The following EP300 variants were observed in gnomAD, a reference collection of about 807,000 sequenced individuals.
EP300 encodes histone acetyltransferase p300.
Under a neutral mutation model 264.0 loss-of-function variants are expected in EP300, and 31 were observed. The ratio of observed to expected loss-of-function variants is 0.12; its 90% confidence interval spans 0.09 to 0.16. The LOEUF (loss-of-function observed/expected upper bound fraction) is 0.16, where lower values mean the gene tolerates loss of function less well. Among genes scored for constraint, EP300 ranks in the 10% least tolerant of loss-of-function variants. The pLI is 1.00. For synonymous variants in EP300, 1,340 were observed against 1,045.4 expected (o/e 1.28, Z -5.44); for missense variants, 2,766 against 3,052.9 (o/e 0.91, Z 2.21).
At chr22:41,140,079 T>C in intron 8 of EP300, 61 bp from the exon 9 acceptor site, 1 of 1,225,602 alleles carries the variant, frequency 8.2e-7, no homozygotes, top group Non-Finnish European at 1.2e-6. Context: ...TGTATAAAAA[T>C]CAGAAAAATA....
intron 1 of EP300, among the ~76,000 whole-genome samples, chr22:41,100,910 A>G (rs79198913): frequency 2.2e-3 from 341 of 152,168 alleles, no homozygotes; most frequent in Non-Finnish European, 3.9e-3. Context: ...TTATCATGTC[A>G]CGTATACAAG....
intron 6 of EP300, among the ~76,000 whole-genome samples, chr22:41,134,521 A>G (rs2145719285): frequency 6.6e-6 from 1 of 151,998 alleles, no homozygotes; most frequent in Non-Finnish European, 1.5e-5. Context: ...CAGCCTCCCA[A>G]GTAGCTGGGA....
rs2058681575 is a variant in EP300, at chr22:41,092,955, T to G, written c.-50T>G. On this transcript the variant is annotated 5_prime_UTR_variant, in exon 1 of 31. Transcript: ENST00000263253. ...CGGGGACCCCGGGCCGAAGAAGAGA[T>G]TTCCTGAGGATTCTGGTTTTCCTCG... is the stretch of plus-strand genomic sequence containing the variant. 2 of 1,607,634 alleles carry G rather than the reference T, an allele frequency of 1.2e-6. No homozygotes were observed. Among genetic ancestry groups the G allele is most frequent in the Non-Finnish European group, 1.7e-6 (2 of 1,174,390 alleles).
At position 41,179,877 on chromosome 22, in the gene EP300, CA is replaced by C. The variant is rs771445899; in HGVS notation, c.*922del. On this transcript the variant is annotated 3_prime_UTR_variant, in exon 31 of 31. Transcript: ENST00000263253. Reference sequence around the variant, plus strand: ...CTTTCTTCCTCCTTACCCTACCCCCCACTCACACACACACACACACACACAC... The same window carrying C: ...CTTTCTTCCTCCTTACCCTACCCCCCCTCACACACACACACACACACACAC... 26,736 of 141,436 alleles carry C rather than the reference CA, an allele frequency of 0.19. 4,820 individuals are homozygous for C. Among genetic ancestry groups the C allele is most frequent in the East Asian group, 0.37 (3,640 of 9,934 alleles). The allele number at this position is 141,436 out of a possible 1,614,324, so 8.8% of individuals were successfully genotyped here.
At position 41,179,028 on chromosome 22, in the gene EP300, T is replaced by G. The variant is rs887959738; in HGVS notation, c.*72T>G. ...CAAGACTTTTTGTACTGAAAACAATTTTTTTGAATCTTTCGTAGCCTAAAA... is the reference window on the plus strand; with the variant it reads ...CAAGACTTTTTGTACTGAAAACAATGTTTTTGAATCTTTCGTAGCCTAAAA... On this transcript the variant is annotated 3_prime_UTR_variant, in exon 31 of 31. Coordinates refer to ENST00000263253, the MANE Select transcript of EP300 (RefSeq NM_001429.4). The G allele has an allele frequency of 6.7e-5, 106 of 1,575,988 alleles. No individual in the cohort carries two copies. The highest frequency in any genetic ancestry group is 8.4e-5 in the Non-Finnish European group (97 of 1,157,144).
chr22:41,129,766 G>A (rs2058906070), intron 4 of EP300, 124 bp from the exon 5 acceptor site: 1 of 736,104 alleles, frequency 1.4e-6, no homozygotes, highest in Non-Finnish European at 2.3e-6. Flanking sequence ...CTACCTTATA[G>A]GGCTGTTAGG....
chr22:41,109,855 C>T (rs991156047), intron 1 of EP300, among the ~76,000 whole-genome samples: 1 of 151,682 alleles, frequency 6.6e-6, no homozygotes, highest in Admixed American at 6.6e-5. Flanking sequence ...GCTCTGTTTC[C>T]CAGGCTGGAG....
rs1462366919 is a variant in EP300 at position 41,126,112 on chromosome 22, C to A, written c.906+72C>A. On this transcript the variant is annotated intron_variant, in intron 3 of 30. Transcript: ENST00000263253. ...CAAAAGAATTGTGTTAAACTTTCAC[C>A]CTTCTGTTATATATGCTGGGATTTG... 2.0e-6 allele frequency: 3 copies of A among 1,503,852 alleles called. No homozygotes were observed. In the East Asian group the frequency reaches 6.8e-5, roughly 34 times the overall value. 93.2% of individuals were successfully genotyped at this position (1,503,852 alleles called of 1,614,324 possible).
intron 10 of EP300, among the ~76,000 whole-genome samples, chr22:41,142,817 C>T (rs1046562325): frequency 1.3e-5 from 2 of 151,834 alleles, no homozygotes; most frequent in South Asian, 2.1e-4. Flanking sequence ...ACCCGGGAGG[C>T]GGAGCTTGCA....
At chr22:41,121,140 C>CTTTTCTT (rs965053188) in intron 2 of EP300, among the ~76,000 whole-genome samples, 4 of 152,268 alleles carry the variant, frequency 2.6e-5, no homozygotes, top group African/African-American at 4.8e-5. Flanking sequence ...CCCATCTCTA[C>CTTTTCTT]TTTTCTTTTT....
Position 41,127,545 on chromosome 22 carries a change from G to C in EP300, c.965G>C (p.Gly322Ala), listed in dbSNP as rs759614013. 47 of 1,614,086 alleles carry C rather than the reference G, an allele frequency of 2.9e-5. No homozygotes were observed. In the East Asian group the frequency reaches 1.0e-3, roughly 36 times the overall value. Residue 322 changes from glycine (G) to alanine (A), a missense_variant, in exon 4 of 31, where the codon GGG (glycine) becomes GCG (alanine). Transcript: ENST00000263253. ...GGCCTGGTGACTCCAGTTGCCCAAG[G>C]GATGGGTTCTGGAGCACATACAGCT... ...QPGLVTPVAQ[G>A]MGSGAHTADP...
chr22:41,128,848 A>G (rs972654360), intron 4 of EP300, among the ~76,000 whole-genome samples: 3 of 152,060 alleles, frequency 2.0e-5, no homozygotes, highest in Non-Finnish European at 2.9e-5. Context: ...ACCCCAAAGC[A>G]TTTAGAAAAT....
At chr22:41,173,229 G>A (rs2059180882) in intron 28 of EP300, among the ~76,000 whole-genome samples, 1 of 152,140 alleles carries the variant, frequency 6.6e-6, no homozygotes, top group Non-Finnish European at 1.5e-5. Flanking sequence ...GTATTTGTAG[G>A]CTCATAACAT....
chr22:41,175,379 A>G (rs1454214560), intron 29 of EP300, among the ~76,000 whole-genome samples: 1 of 152,210 alleles, frequency 6.6e-6, no homozygotes, highest in Non-Finnish European at 1.5e-5. Context: ...ACATTTTATT[A>G]CTTTAATAGG....
intron 4 of EP300, among the ~76,000 whole-genome samples, chr22:41,127,966 T>A (rs951382518): frequency 1.3e-5 from 2 of 152,154 alleles, no homozygotes; most frequent in Admixed American, 1.3e-4. Context: ...ATGGGGAGGA[T>A]TGCTTGAGGC....
At chr22:41,107,015 T>G (rs1183942490) in intron 1 of EP300, among the ~76,000 whole-genome samples, 2 of 152,152 alleles carry the variant, frequency 1.3e-5, no homozygotes, top group African/African-American at 2.4e-5. Context: ...CGGGTGATTC[T>G]CAAGCCTCAG....
Position 41,179,880 on chromosome 22 carries a change from TCACACACACACACACACACACACA to T in EP300, c.*944_*967del, listed in dbSNP as rs59721178. 5.9e-4 allele frequency: 98 copies of T among 167,214 alleles called. 1 individual carries two copies. The highest frequency in any genetic ancestry group is 1.8e-3 in the East Asian group (16 of 8,700). The allele number at this position is 167,214 out of a possible 1,614,324, so 10.4% of individuals were successfully genotyped here. On this transcript the variant is annotated 3_prime_UTR_variant, in exon 31 of 31. Coordinates refer to ENST00000263253, the MANE Select transcript of EP300 (RefSeq NM_001429.4). Reference sequence around the variant, plus strand: ...TCTTCCTCCTTACCCTACCCCCCACTCACACACACACACACACACACACACACACACACACACACACACTTTCTA... The same window carrying T: ...TCTTCCTCCTTACCCTACCCCCCACTCACACACACACACACACACTTTCTA...
At chr22:41,116,188 T>C (rs1331351781) in intron 1 of EP300, among the ~76,000 whole-genome samples, 1 of 152,152 alleles carries the variant, frequency 6.6e-6, no homozygotes, top group Non-Finnish European at 1.5e-5. Flanking sequence ...TCAACTATTA[T>C]GCTAATTCTA....
chr22:41,172,460 A>G (rs1018119364), intron 27 of EP300, 39 bp from the exon 28 acceptor site: 2 of 1,536,086 alleles, frequency 1.3e-6, no homozygotes, highest in Non-Finnish European at 1.8e-6. Context: ...GCTTTAAAAG[A>G]ACATAGAAAT....
Sources: allele counts gnomAD v4.1 joint callset (sites outside exome capture counted in the v4.1 genomes callset), GRCh38; gene constraint gnomAD v4.1.1; transcripts MANE v1.5; gene names NCBI Gene and HGNC (gene_info 2026-07-23, HGNC 2026-07-21).